MALRD1: variants seen among roughly 807,000 people sequenced by gnomAD.
MALRD1 encodes the protein MAM and LDL-receptor class A domain-containing protein 1.
A neutral mutation model predicts 242.1 loss-of-function variants in MALRD1; 247 were observed. The observed-to-expected ratio is 1.02, with a 90% CI of 0.92 to 1.13. The LOEUF (loss-of-function observed/expected upper bound fraction) is 1.13. MALRD1 is among the 50% of genes most tolerant of loss of function. The pLI is 0.00. For missense variants in MALRD1, 2,989 were observed against 2,533.1 expected, an observed-to-expected ratio of 1.18 and a Z score of -3.86; for synonymous variants, 995 against 866.6, an observed-to-expected ratio of 1.15 and a Z score of -2.60.
At chr10:19,713,349 C>T (rs1387389581) in intron 38 of MALRD1, among the ~76,000 whole-genome samples, 1 of 152,206 alleles carries the variant, frequency 6.6e-6, no homozygotes, top group Non-Finnish European at 1.5e-5. Flanking sequence ...CAAAACCATA[C>T]ATAAACCACA....
intron 21 of MALRD1, among the ~76,000 whole-genome samples, chr10:19,289,767 C>A (rs566362603): frequency 4.5e-4 from 68 of 152,166 alleles, no homozygotes; most frequent in African/African-American, 1.5e-3. Flanking sequence ...ATTGGCTTTT[C>A]TCTCTCAGGC....
rs58034381 is a variant in MALRD1 at position 19,163,137 on chromosome 10, T to TAAAAAAAAAAAAAAAAA, written c.1657-2488_1657-2472dup. Among the ~76,000 whole-genome samples the TAAAAAAAAAAAAAAAAA allele has an allele frequency of 4.1e-4, 18 of 43,848 alleles. 1 individual carries two copies. The highest frequency in any genetic ancestry group is 6.6e-4 in the African/African-American group (8 of 12,116). The allele number at this position is 43,848 out of a possible 152,430, so 28.8% of individuals were successfully genotyped here. A position where few individuals can be genotyped will look rare whatever the true frequency, so the allele number is the denominator to read the frequency against. ...TGAACAACTGGAGTGAAACCCTGTC[T>TAAAAAAAAAAAAAAAAA]AAAAAAAAAAAAAAAAAAAAAAAAA... is the stretch of plus-strand genomic sequence containing the variant. On this transcript the variant is annotated intron_variant, in intron 12 of 39. Transcript: ENST00000454679.
At chr10:19,535,745 T>G (rs892526496) in intron 32 of MALRD1, among the ~76,000 whole-genome samples, 4 of 152,074 alleles carry the variant, frequency 2.6e-5, no homozygotes, top group Admixed American at 2.0e-4. Context: ...CTAATAAAAA[T>G]TACGTATTTC....
chr10:19,217,813 C>A (rs72786591), intron 18 of MALRD1, among the ~76,000 whole-genome samples: 1 of 152,002 alleles, frequency 6.6e-6, no homozygotes, highest in Non-Finnish European at 1.5e-5. Flanking sequence ...CATGAGCCAC[C>A]GCTCCCAATC....
At chr10:19,142,846 T>A (rs1432973147) in intron 10 of MALRD1, among the ~76,000 whole-genome samples, 1 of 152,234 alleles carries the variant, frequency 6.6e-6, no homozygotes, top group African/African-American at 2.4e-5. Context: ...CACTTTAAAG[T>A]TTTTGAATTA....
chr10:19,540,993 A>G (rs1834943896), intron 32 of MALRD1, among the ~76,000 whole-genome samples: 1 of 152,152 alleles, frequency 6.6e-6, no homozygotes, highest in African/African-American at 2.4e-5. Flanking sequence ...GAAACTAATT[A>G]AGTGGGTACT....
intron 14 of MALRD1, among the ~76,000 whole-genome samples, chr10:19,182,724 G>T (rs1284473251): frequency 6.6e-6 from 1 of 152,062 alleles, no homozygotes; most frequent in South Asian, 2.1e-4. Flanking sequence ...AATGTGAAAA[G>T]TTCCCTACGT....
In MALRD1 at chr10:19,209,693, G is replaced by A; in HGVS notation, c.2991+13G>A. 1 of 1,520,480 alleles carries A rather than the reference G, an allele frequency of 6.6e-7. No individual in the cohort carries two copies. Among genetic ancestry groups the A allele is most frequent in the Non-Finnish European group, 8.8e-7 (1 of 1,132,818 alleles). 94.2% of individuals were successfully genotyped at this position (1,520,480 alleles called of 1,614,324 possible). On this transcript the variant is annotated intron_variant, in intron 18 of 39. Transcript: ENST00000454679. ...GCAGCCCTTTCAGGTATGGATAATA[G>A]ATTTTATAATGTACATTTGAAATGC...
At chr10:19,530,688 G>A (rs995251920) in intron 31 of MALRD1, among the ~76,000 whole-genome samples, 6 of 151,436 alleles carry the variant, frequency 4.0e-5, no homozygotes, top group Non-Finnish European at 5.9e-5. Flanking sequence ...TAATGCATTT[G>A]AGAAGAAAAG....
intron 29 of MALRD1, among the ~76,000 whole-genome samples, chr10:19,476,051 C>A (rs1836714498): frequency 6.6e-6 from 1 of 152,136 alleles, no homozygotes; most frequent in African/African-American, 2.4e-5. Flanking sequence ...AGTTAATATT[C>A]TTTTTAGTGC....
At chr10:19,588,243 C>G (rs1487775856) in intron 33 of MALRD1, among the ~76,000 whole-genome samples, 2 of 152,090 alleles carry the variant, frequency 1.3e-5, no homozygotes, top group Non-Finnish European at 2.9e-5. Context: ...TGAAAGCATT[C>G]TTCAGTTCGT....
At chr10:19,166,104 G>T (rs1430075936) in intron 13 of MALRD1, among the ~76,000 whole-genome samples, 2 of 152,192 alleles carry the variant, frequency 1.3e-5, no homozygotes, top group African/African-American at 4.8e-5. Flanking sequence ...GTGTAGAATA[G>T]TAGCAAAAAT....
chr10:19,309,469 G>C (rs1219774876), intron 21 of MALRD1, among the ~76,000 whole-genome samples: 1 of 151,418 alleles, frequency 6.6e-6, no homozygotes, highest in Admixed American at 6.6e-5. Flanking sequence ...CTGTAGTAGT[G>C]TTATGGGCCA....
chr10:19,447,552 C>T (rs564051868), intron 28 of MALRD1, among the ~76,000 whole-genome samples: 7 of 152,134 alleles, frequency 4.6e-5, no homozygotes, highest in East Asian at 1.9e-4. Context: ...TTTTGATTAG[C>T]GTGATCGTAT....
chr10:19,606,607 T>C (rs1203863498), intron 34 of MALRD1, among the ~76,000 whole-genome samples: 2 of 152,126 alleles, frequency 1.3e-5, no homozygotes, highest in Non-Finnish European at 2.9e-5. Context: ...CTTTGACACA[T>C]TCCCTCTGCT....
intron 1 of MALRD1, among the ~76,000 whole-genome samples, chr10:19,050,299 G>T (rs1224789644): frequency 1.3e-5 from 2 of 150,696 alleles, no homozygotes. Context: ...GTTTTAGCCG[G>T]GATGGTCTCG....
At chr10:19,277,185 CA>C (rs1384832511) in intron 19 of MALRD1, among the ~76,000 whole-genome samples, 1 of 152,122 alleles carries the variant, frequency 6.6e-6, no homozygotes, top group African/African-American at 2.4e-5. Flanking sequence ...CTTAGCCTCC[CA>C]AAGTGCTGGG....
intron 19 of MALRD1, among the ~76,000 whole-genome samples, chr10:19,268,810 A>G (rs916042609): frequency 6.6e-6 from 1 of 152,188 alleles, no homozygotes; most frequent in Non-Finnish European, 1.5e-5. Flanking sequence ...GAATATATTA[A>G]TGTAGCCTGA....
Position 19,297,214 on chromosome 10 carries a change from A to T in MALRD1, c.3419+14033A>T, listed in dbSNP as rs894955842. On this transcript the variant is annotated intron_variant, in intron 21 of 39. Coordinates refer to ENST00000454679, the MANE Select transcript of MALRD1 (RefSeq NM_001142308.3). ...AATAAAATTAAATTTTAAAAGTATA[A>T]GCATTATTAATGATCTCATTAGAAA... Among the ~76,000 whole-genome samples the T allele has an allele frequency of 5.3e-5, 8 of 151,580 alleles. No homozygotes were observed. In the East Asian group the frequency reaches 1.5e-3, roughly 29 times the overall value.
Sources: gnomAD v4.1 joint callset for allele counts (sites outside exome capture counted in the v4.1 genomes callset) on GRCh38, gnomAD v4.1.1 for gene constraint, MANE v1.5 for transcripts, NCBI Gene and HGNC (gene_info 2026-07-23, HGNC 2026-07-21) for gene names.